TRHDE: variants seen among roughly 807,000 people sequenced by gnomAD.
TRHDE encodes the protein thyrotropin releasing hormone degrading enzyme.
In TRHDE, 72 loss-of-function variants were observed where a neutral mutation model predicts 125.7. That is an observed-to-expected ratio of 0.57 (90% CI 0.47 to 0.70). The LOEUF is 0.70. TRHDE is among the 30% of genes least tolerant of loss of function. The pLI is 0.00. For synonymous variants in TRHDE, 509 were observed against 509.1 expected (o/e 1.00, Z 0.00); for missense variants, 1,110 against 1,327.1 (o/e 0.84, Z 2.54).
rs1875052333 is a variant in TRHDE at position 72,664,772 on chromosome 12, A to C, written c.*1577A>C. 6.6e-6 allele frequency: 1 copy of C among 152,106 alleles called. No individual in the cohort carries two copies. The highest frequency in any genetic ancestry group is 1.9e-4 in the East Asian group (1 of 5,184). The allele number at this position is 152,106 out of a possible 1,614,324, so 9.4% of individuals were successfully genotyped here. ...TAACAGTACGCACTGAATAGTGAAA[A>C]TAATTAGACATTTTAAGAACCAGAG... On this transcript the variant is annotated 3_prime_UTR_variant, in exon 19 of 19. Coordinates refer to ENST00000261180, the MANE Select transcript of TRHDE (RefSeq NM_013381.3).
intron 12 of TRHDE, among the ~76,000 whole-genome samples, chr12:72,614,452 A>G (rs1341662247): frequency 6.6e-6 from 1 of 151,482 alleles, no homozygotes; most frequent in African/African-American, 2.4e-5. Context: ...CTGTACCGTA[A>G]AAGATTTTCC....
chr12:72,380,737 TCC>T (rs1872113845), intron 3 of TRHDE, among the ~76,000 whole-genome samples: 1 of 92,024 alleles, frequency 1.1e-5, no homozygotes, highest in Admixed American at 1.1e-4. Context: ...CTTCCTTGCT[TCC>T]TTCCTTCCTT....
chr12:72,196,980 T>C (rs1004791179), intron 2 of TRHDE, among the ~76,000 whole-genome samples: 2 of 152,090 alleles, frequency 1.3e-5, no homozygotes, highest in African/African-American at 2.4e-5. Context: ...TCAGTCACCA[T>C]TATTATTTTA....
chr12:72,163,870 G>A (rs530936703), intron 2 of TRHDE, among the ~76,000 whole-genome samples: 1 of 152,206 alleles, frequency 6.6e-6, no homozygotes, highest in Non-Finnish European at 1.5e-5. Context: ...CCAGCACTTT[G>A]GGAGGCCGAG....
At chr12:72,382,997 C>T (rs1872252112) in intron 3 of TRHDE, among the ~76,000 whole-genome samples, 1 of 152,176 alleles carries the variant, frequency 6.6e-6, no homozygotes, top group African/African-American at 2.4e-5. Context: ...CTCTTTGTTA[C>T]ATAAAGACAC....
intron 2 of TRHDE, among the ~76,000 whole-genome samples, chr12:72,110,121 G>A (rs1368110332): frequency 6.6e-6 from 1 of 152,094 alleles, no homozygotes; most frequent in Non-Finnish European, 1.5e-5. Flanking sequence ...CTGGGAATCT[G>A]CAAGTTTAAG....
intron 2 of TRHDE, among the ~76,000 whole-genome samples, chr12:72,287,466 A>G (rs1053348922): frequency 1.3e-5 from 2 of 152,110 alleles, no homozygotes; most frequent in Non-Finnish European, 2.9e-5. Context: ...CTGTGTAACC[A>G]TCCCTTGATC....
intron 12 of TRHDE, among the ~76,000 whole-genome samples, chr12:72,587,118 C>A (rs888963982): frequency 1.3e-5 from 2 of 152,156 alleles, no homozygotes; most frequent in Non-Finnish European, 2.9e-5. Context: ...TATTACTTAT[C>A]CTTTTTCAAC....
At chr12:72,420,070 G>A (rs1050039538) in intron 3 of TRHDE, among the ~76,000 whole-genome samples, 4 of 152,120 alleles carry the variant, frequency 2.6e-5, no homozygotes, top group African/African-American at 7.2e-5. Flanking sequence ...TATAACAGAG[G>A]ATCAGTCATC....
At chr12:72,592,424 G>T (rs1186439775) in intron 12 of TRHDE, among the ~76,000 whole-genome samples, 1 of 152,044 alleles carries the variant, frequency 6.6e-6, no homozygotes, top group South Asian at 2.1e-4. Context: ...ACTCGCATTA[G>T]TTCCAACATC....
chr12:72,309,299 A>G (rs1868429160), intron 2 of TRHDE, among the ~76,000 whole-genome samples: 1 of 152,180 alleles, frequency 6.6e-6, no homozygotes, highest in Non-Finnish European at 1.5e-5. Context: ...TGTGAAGAGA[A>G]AGTGTGAGAA....
chr12:72,546,930 C>T (rs1869445846), intron 7 of TRHDE, among the ~76,000 whole-genome samples: 1 of 151,682 alleles, frequency 6.6e-6, no homozygotes, highest in African/African-American at 2.4e-5. Flanking sequence ...TTCTTTACTG[C>T]TATCCATATC....
intron 6 of TRHDE, among the ~76,000 whole-genome samples, chr12:72,532,967 AT>A (rs71071838): frequency 0.39 from 59,924 of 151,722 alleles, 14,260 homozygotes; most frequent in African/African-American, 0.66. Flanking sequence ...CATCATAGAA[AT>A]TGTTGAAAAG....
chr12:72,370,803 C>T (rs1046443034), intron 2 of TRHDE, among the ~76,000 whole-genome samples: 3 of 151,520 alleles, frequency 2.0e-5, no homozygotes, highest in East Asian at 1.9e-4. Context: ...AATGCGATGG[C>T]GTGATCTTGG....
chr12:72,211,173 T>TAC, intron 2 of TRHDE, among the ~76,000 whole-genome samples: 1 of 152,258 alleles, frequency 6.6e-6, no homozygotes. Flanking sequence ...TCTTTTGGAT[T>TAC]ACAGAGGTTC....
intron 2 of TRHDE, among the ~76,000 whole-genome samples, chr12:72,287,405 A>G (rs1879929751): frequency 1.3e-5 from 2 of 152,164 alleles, no homozygotes; most frequent in African/African-American, 2.4e-5. Flanking sequence ...TACCATCTTC[A>G]GTCTAATGTT....
At chr12:72,635,591 G>A (rs1362940359) in intron 15 of TRHDE, among the ~76,000 whole-genome samples, 16 of 151,980 alleles carry the variant, frequency 1.1e-4, no homozygotes, top group Admixed American at 9.8e-4. Context: ...CCTATGTCCT[G>A]AATGGTAATG....
chr12:72,547,890 T>C (rs1250124426), intron 7 of TRHDE, among the ~76,000 whole-genome samples: 2 of 151,874 alleles, frequency 1.3e-5, no homozygotes, highest in African/African-American at 2.4e-5. Context: ...AGTTACACTT[T>C]TTAAATATAA....
intron 15 of TRHDE, among the ~76,000 whole-genome samples, chr12:72,647,325 A>G (rs2136105730): frequency 6.6e-6 from 1 of 152,172 alleles, no homozygotes; most frequent in African/African-American, 2.4e-5. Context: ...ATACAGTAAA[A>G]GCAGTACTAA....
Sources: allele counts gnomAD v4.1 joint callset (sites outside exome capture counted in the v4.1 genomes callset), GRCh38; gene constraint gnomAD v4.1.1; transcripts MANE v1.5; gene names NCBI Gene and HGNC (gene_info 2026-07-23, HGNC 2026-07-21).